GALNT2: variants seen among roughly 807,000 people sequenced by gnomAD.
GALNT2 encodes the protein polypeptide N-acetylgalactosaminyltransferase 2.
GALNT2 carries 31 observed loss-of-function variants against 81.4 expected under a neutral mutation model. The ratio of observed to expected loss-of-function variants is 0.38; its 90% CI spans 0.29 to 0.51. GALNT2 has a LOEUF of 0.51. Among genes scored for constraint, GALNT2 ranks in the 20% least tolerant of loss-of-function variants. The pLI is 0.87. For synonymous variants in GALNT2, 303 were observed against 287.4 expected (o/e 1.05, Z -0.55); for missense variants, 629 against 765.7 (o/e 0.82, Z 2.11).
At chr1:230,184,453 T>G (rs1338106797) in intron 2 of GALNT2, among the ~76,000 whole-genome samples, 1 of 151,868 alleles carries the variant, frequency 6.6e-6, no homozygotes, top group Non-Finnish European at 1.5e-5. Flanking sequence ...CCTCTCAGAG[T>G]GCTGGGATTA....
At chr1:230,160,601 C>G (rs1662401558) in intron 1 of GALNT2, among the ~76,000 whole-genome samples, 1 of 152,006 alleles carries the variant, frequency 6.6e-6, no homozygotes, top group Admixed American at 6.6e-5. Context: ...GTAATCCCAG[C>G]TACTCAGGAA....
chr1:230,198,650 A>T (rs1228849978), intron 2 of GALNT2, among the ~76,000 whole-genome samples: 1 of 152,178 alleles, frequency 6.6e-6, no homozygotes, highest in South Asian at 2.1e-4. Flanking sequence ...ATTCCAGCCC[A>T]GGTAGGTCGG....
At chr1:230,128,697 C>G (rs1661272434) in intron 1 of GALNT2, among the ~76,000 whole-genome samples, 1 of 152,128 alleles carries the variant, frequency 6.6e-6, no homozygotes. Context: ...TCACAAGAGC[C>G]TGAGTGTTGG....
At chr1:230,167,617 G>C (rs2102853748) in intron 1 of GALNT2, among the ~76,000 whole-genome samples, 1 of 152,378 alleles carries the variant, frequency 6.6e-6, no homozygotes, top group East Asian at 1.9e-4. Context: ...TGTGGGCTGA[G>C]GTGAAGTGGG....
intron 1 of GALNT2, among the ~76,000 whole-genome samples, chr1:230,083,273 T>G (rs1409811128): frequency 1.1e-5 from 1 of 87,704 alleles, no homozygotes. Flanking sequence ...GATGATGGAG[T>G]GGGGAGCCCA....
intron 1 of GALNT2, among the ~76,000 whole-genome samples, chr1:230,080,746 C>G (rs1194031142): frequency 6.6e-6 from 1 of 152,142 alleles, no homozygotes; most frequent in Non-Finnish European, 1.5e-5. Flanking sequence ...GCTCTGTGGC[C>G]TCAGGCAAGT....
intron 2 of GALNT2, among the ~76,000 whole-genome samples, chr1:230,195,037 G>C (rs992730646): frequency 6.6e-6 from 1 of 152,184 alleles, no homozygotes; most frequent in Non-Finnish European, 1.5e-5. Context: ...AACTGAAAAG[G>C]GTACAGCAAA....
chr1:230,221,029 C>T (rs1664530571), intron 3 of GALNT2, among the ~76,000 whole-genome samples: 1 of 152,190 alleles, frequency 6.6e-6, no homozygotes, highest in Non-Finnish European at 1.5e-5. Context: ...TTGTTGCACA[C>T]AGGAAGAAAA....
At position 230,156,474 on chromosome 1, in the gene GALNT2, C is replaced by T. The variant is rs530267469; in HGVS notation, c.127-21744C>T. Reference sequence around the variant, plus strand: ...AGTTCACTCAAGAGACTCCTTTTTGCGTTTCTTTACCTTCAACGTTCGTTT... The same window carrying T: ...AGTTCACTCAAGAGACTCCTTTTTGTGTTTCTTTACCTTCAACGTTCGTTT... On this transcript the variant is annotated intron_variant, in intron 1 of 15. Transcript: ENST00000366672. 3.9e-5 allele frequency among the ~76,000 whole-genome samples: 6 copies of T among 152,028 alleles called. 1 individual carries two copies. Among genetic ancestry groups the T allele is most frequent in the Admixed American group, 2.6e-4 (4 of 15,290 alleles).
At chr1:230,207,658 G>A (rs1664103837) in intron 3 of GALNT2, among the ~76,000 whole-genome samples, 1 of 151,620 alleles carries the variant, frequency 6.6e-6, no homozygotes, top group Non-Finnish European at 1.5e-5. Context: ...GTACAATTTT[G>A]GCTCACTGTA....
chr1:230,136,797 G>T (rs146344962), intron 1 of GALNT2, among the ~76,000 whole-genome samples: 1 of 152,320 alleles, frequency 6.6e-6, no homozygotes, highest in Non-Finnish European at 1.5e-5. Context: ...CCATTGTACG[G>T]GAAGCTCAAT....
rs1659348053 is a variant in GALNT2 at position 230,070,768 on chromosome 1, G to C, written c.126+3362G>C. ...CGGGCTAGACCATGGTACACATGGA[G>C]GGGAACGTTAGGGTGTAAAGTTGGA... On this transcript the variant is annotated intron_variant, in intron 1 of 15. Coordinates refer to ENST00000366672, the MANE Select transcript of GALNT2 (RefSeq NM_004481.5). The surrounding 1 kb of genome is among the most constrained non-coding windows in gnomAD (Gnocchi z 4.7). Among the ~76,000 whole-genome samples the C allele has an allele frequency of 6.6e-6, 1 of 152,248 alleles. No individual in the cohort carries two copies. The highest frequency in any genetic ancestry group is 6.5e-5 in the Admixed American group (1 of 15,294).
intron 1 of GALNT2, among the ~76,000 whole-genome samples, chr1:230,125,428 C>T (rs754184910): frequency 1.3e-5 from 2 of 152,154 alleles, no homozygotes; most frequent in Non-Finnish European, 2.9e-5. Flanking sequence ...TGTTTGACAG[C>T]GTCACATATT....
At chr1:230,253,199 T>C (rs1252071836) in intron 10 of GALNT2, among the ~76,000 whole-genome samples, 1 of 152,210 alleles carries the variant, frequency 6.6e-6, no homozygotes, top group Non-Finnish European at 1.5e-5. Context: ...TCGGAAACTT[T>C]CACTGCTTAT....
chr1:230,130,174 C>G (rs927070295), intron 1 of GALNT2, among the ~76,000 whole-genome samples: 15 of 152,200 alleles, frequency 9.9e-5, no homozygotes, highest in African/African-American at 3.6e-4. Flanking sequence ...ATTTGAAGAC[C>G]TTTCTCATCC....
intron 1 of GALNT2, among the ~76,000 whole-genome samples, chr1:230,089,488 C>CACTTAG (rs776496882): frequency 1.6e-4 from 24 of 152,240 alleles, no homozygotes; most frequent in Middle Eastern, 3.4e-3. Context: ...ACATTGTGTT[C>CACTTAG]ACATTGTTAC....
chr1:230,078,473 G>T (rs562448277), intron 1 of GALNT2, among the ~76,000 whole-genome samples: 1 of 152,212 alleles, frequency 6.6e-6, no homozygotes, highest in African/African-American at 2.4e-5. Flanking sequence ...CAGCTCAAAG[G>T]GTTTGTGATC....
intron 1 of GALNT2, among the ~76,000 whole-genome samples, chr1:230,099,140 G>C (rs1475977143): frequency 6.6e-6 from 1 of 152,206 alleles, no homozygotes; most frequent in Non-Finnish European, 1.5e-5. Flanking sequence ...TGCTACGTTA[G>C]CAGCTTTGCA....
chr1:230,190,723 A>C (rs1205124585), intron 2 of GALNT2, among the ~76,000 whole-genome samples: 1 of 152,090 alleles, frequency 6.6e-6, no homozygotes, highest in Non-Finnish European at 1.5e-5. Flanking sequence ...TTACAAATAC[A>C]GCACTGTGGT....
Sources: gnomAD v4.1 joint callset for allele counts (sites outside exome capture counted in the v4.1 genomes callset) on GRCh38, gnomAD v4.1.1 for gene constraint, Gnocchi (gnomAD v3.1) non-coding constraint, MANE v1.5 for transcripts, NCBI Gene and HGNC (gene_info 2026-07-23, HGNC 2026-07-21) for gene names.